UBAC1: variants seen among roughly 807,000 people sequenced by gnomAD.
The protein encoded by UBAC1 is UBA domain containing 1, also known as ubiquitin-associated domain-containing protein 1.
Under a neutral mutation model 45.9 loss-of-function variants are expected in UBAC1, and 27 were observed. The observed-to-expected ratio is 0.59, with a 90% confidence interval of 0.43 to 0.81. The LOEUF is 0.81. UBAC1 is among the 30% of genes least tolerant of loss of function. The probability of loss-of-function intolerance (pLI) is 0.00; values close to 1 mark genes in which losing one functional copy is unlikely to be tolerated. For synonymous variants in UBAC1, 227 were observed against 215.5 expected, an observed-to-expected ratio of 1.05 and a Z score of -0.47; for missense variants, 529 against 539.2, an observed-to-expected ratio of 0.98 and a Z score of 0.19.
At chr9:135,959,072 T>C (rs1839501204) in intron 1 of UBAC1, among the ~76,000 whole-genome samples, 1 of 152,260 alleles carries the variant, frequency 6.6e-6, no homozygotes, top group East Asian at 1.9e-4. Context: ...AGTAGGTATC[T>C]GTGGATCAAA....
intron 9 of UBAC1, among the ~76,000 whole-genome samples, chr9:135,937,483 G>A (rs912132340): frequency 1.4e-5 from 2 of 145,952 alleles, no homozygotes; most frequent in Non-Finnish European, 3.0e-5. Context: ...ACCACATGTA[G>A]ACAACCCAAC....
intron 9 of UBAC1, among the ~76,000 whole-genome samples, chr9:135,935,605 C>G (rs1328038902): frequency 6.6e-5 from 10 of 152,138 alleles, no homozygotes; most frequent in Non-Finnish European, 1.0e-4. Context: ...GCACTCCAGC[C>G]TGGGTGACAG....
chr9:135,952,404 T>C (rs1288023636), intron 3 of UBAC1, among the ~76,000 whole-genome samples: 1 of 152,222 alleles, frequency 6.6e-6, no homozygotes, highest in East Asian at 1.9e-4. Flanking sequence ...TGGCTGCCCT[T>C]CTAGCTGGCA....
intron 2 of UBAC1, 80 bp downstream of exon 2, chr9:135,955,215 T>G: frequency 7.2e-7 from 1 of 1,393,598 alleles, no homozygotes; most frequent in South Asian, 1.8e-5. Context: ...CTCCTGTGGG[T>G]GGACCACCCC....
In UBAC1 at chr9:135,952,978, G is replaced by A. The variant is rs114307634; in HGVS notation, c.333+702C>T. 1.3e-3 allele frequency among the ~76,000 whole-genome samples: 205 copies of A among 152,358 alleles called. 1 individual carries two copies. The Middle Eastern group carries it at 0.017, about 13-fold the overall frequency. ...ATGCGCAGCCCTTATTCTGTGTGGT[G>A]GTTGGTTACCCACTTTCCTCCGTTT... On this transcript the variant is annotated intron_variant, in intron 3 of 9. Transcript: ENST00000371756.
rs575161922 is a variant in UBAC1 at position 135,933,070 on chromosome 9, C to A, written c.*330G>T. Reference sequence around the variant, plus strand: ...GTTGAAACCTACCTCCGTCAAATAACAAGTGGACTCTCCAAGCAAATGTCT... The same window carrying A: ...GTTGAAACCTACCTCCGTCAAATAAAAAGTGGACTCTCCAAGCAAATGTCT... On this transcript the variant is annotated 3_prime_UTR_variant, in exon 10 of 10. Coordinates refer to ENST00000371756, the MANE Select transcript of UBAC1 (RefSeq NM_016172.3). 26 of 233,098 alleles carry A rather than the reference C, an allele frequency of 1.1e-4. No individual in the cohort carries two copies. The highest frequency in any genetic ancestry group is 4.9e-4 in the Admixed American group (9 of 18,228). The allele number at this position is 233,098 out of a possible 1,614,324, so 14.4% of individuals were successfully genotyped here.
Position 135,955,370 on chromosome 9 carries a change from T to C in UBAC1, c.184A>G (p.Lys62Glu). ...LEDPKSITHH[K>E]LIHAASERVL... ...CTCTCTGAGGCAGCGTGGATTAATT[T>C]ATGATGGGTTATACTTTTGGGATCT... Residue 62 changes from lysine (K) to glutamate (E), a missense_variant, in exon 2 of 10, where the codon AAA (lysine) becomes GAA (glutamate). Transcript: ENST00000371756. 6.2e-7 allele frequency: 1 copy of C among 1,606,234 alleles called. No homozygotes were observed. The highest frequency in any genetic ancestry group is 8.5e-7 in the Non-Finnish European group (1 of 1,178,080).
intron 8 of UBAC1, among the ~76,000 whole-genome samples, chr9:135,939,094 C>T (rs889791578): frequency 6.6e-6 from 1 of 151,842 alleles, no homozygotes; most frequent in Admixed American, 6.6e-5. Flanking sequence ...CCCAGCTACT[C>T]AGGAGGCTGA....
At chr9:135,941,727 G>C (rs1490388785) in intron 7 of UBAC1, among the ~76,000 whole-genome samples, 2 of 152,218 alleles carry the variant, frequency 1.3e-5, no homozygotes, top group African/African-American at 4.8e-5. Context: ...GGCAATGGGA[G>C]AGGGGCCTTG....
intron 1 of UBAC1, among the ~76,000 whole-genome samples, chr9:135,956,447 G>GCAA (rs1327515005): frequency 6.6e-6 from 1 of 152,176 alleles, no homozygotes; most frequent in Non-Finnish European, 1.5e-5. Context: ...ATTTTGTGAA[G>GCAA]AATGGCAAAC....
At position 135,958,562 on chromosome 9, in the gene UBAC1, T is replaced by G. The variant is rs997699803; in HGVS notation, c.138+2463A>C. Among the ~76,000 whole-genome samples, 8 of 152,202 alleles carry G rather than the reference T, an allele frequency of 5.3e-5. No individual in the cohort carries two copies. In the East Asian group the frequency reaches 1.4e-3, roughly 26 times the overall value. ...GGAGCACAGCAGGGAGAAGCCGACA[T>G]CATTCCCCTCCAGGCAGATGGAAAA... On this transcript the variant is annotated intron_variant, in intron 1 of 9. Transcript: ENST00000371756.
At chr9:135,945,376 T>TA in intron 6 of UBAC1, 126 bp from the exon 7 acceptor site, 1 of 828,266 alleles carries the variant, frequency 1.2e-6, no homozygotes, top group Non-Finnish European at 1.8e-6. Flanking sequence ...GTGACCCTTA[T>TA]AACAAGAACC....
intron 2 of UBAC1, among the ~76,000 whole-genome samples, chr9:135,954,749 G>A (rs976787725): frequency 2.0e-5 from 3 of 152,172 alleles, no homozygotes; most frequent in Admixed American, 6.5e-5. Context: ...GGCCCACGAC[G>A]GTGCCCATCC....
At chr9:135,948,525 C>T (rs972545561) in intron 3 of UBAC1, among the ~76,000 whole-genome samples, 7 of 152,262 alleles carry the variant, frequency 4.6e-5, no homozygotes, top group Non-Finnish European at 8.8e-5. Flanking sequence ...GCGCTCCATC[C>T]CCCGCCACCC....
rs147192491 is a variant in UBAC1 at position 135,944,539 on chromosome 9, A to G, written c.876+489T>C. On this transcript the variant is annotated intron_variant, in intron 7 of 9. Transcript: ENST00000371756. Reference sequence around the variant, plus strand: ...AGGCGCGGGCGAGGAAGGTCCACACACACAGGCGCAGGGACCCTTCAGCCC... The same window carrying G: ...AGGCGCGGGCGAGGAAGGTCCACACGCACAGGCGCAGGGACCCTTCAGCCC... Among the ~76,000 whole-genome samples the G allele has an allele frequency of 7.8e-3, 1,183 of 152,308 alleles. 8 individuals are homozygous for G. Among genetic ancestry groups the G allele is most frequent in the African/African-American group, 0.027 (1,112 of 41,566 alleles).
intron 7 of UBAC1, 81 bp downstream of exon 7, chr9:135,944,947 C>T: frequency 7.1e-6 from 10 of 1,400,512 alleles, no homozygotes; most frequent in Non-Finnish European, 9.8e-6. Context: ...GTCAGCCATG[C>T]AGCCCCAGCT....
chr9:135,953,975 C>T lies in UBAC1; in HGVS notation c.260-222G>A, dbSNP rs202168038. On this transcript the variant is annotated intron_variant, in intron 2 of 9. Coordinates refer to ENST00000371756, the MANE Select transcript of UBAC1 (RefSeq NM_016172.3). ...CCAACACGGTGAAACCCCATCTCTACTAAAAATACAAAAATTAGCCAGGCG... is the reference window on the plus strand; with the variant it reads ...CCAACACGGTGAAACCCCATCTCTATTAAAAATACAAAAATTAGCCAGGCG... 139 of 266,016 alleles carry T rather than the reference C, an allele frequency of 5.2e-4. 2 individuals are homozygous for T. In the East Asian group the frequency reaches 9.1e-3, roughly 17 times the overall value. The allele number at this position is 266,016 out of a possible 1,614,324, so 16.5% of individuals were successfully genotyped here. A position where few individuals can be genotyped will look rare whatever the true frequency, so the allele number is the denominator to read the frequency against.
chr9:135,939,368 A>T (rs2131082122), intron 8 of UBAC1, among the ~76,000 whole-genome samples: 1 of 152,260 alleles, frequency 6.6e-6, no homozygotes, highest in African/African-American at 2.4e-5. Context: ...GCTGCATGTG[A>T]AAGTAGGCAA....
intron 9 of UBAC1, among the ~76,000 whole-genome samples, chr9:135,936,582 G>A (rs145794081): frequency 1.3e-3 from 196 of 149,798 alleles, no homozygotes; most frequent in Non-Finnish European, 2.4e-3. Context: ...TGCAACCTCC[G>A]CCCCCCAGGT....
Sources: gnomAD v4.1 joint callset for allele counts (sites outside exome capture counted in the v4.1 genomes callset) on GRCh38, gnomAD v4.1.1 for gene constraint, MANE v1.5 for transcripts, NCBI Gene and HGNC (gene_info 2026-07-23, HGNC 2026-07-21) for gene names.